The following PTPRM variants were observed in gnomAD, a reference collection of about 807,000 sequenced individuals.
PTPRM encodes protein tyrosine phosphatase receptor type M, also known as receptor-type tyrosine-protein phosphatase mu.
Under a neutral mutation model 186.7 loss-of-function variants are expected in PTPRM, and 47 were observed. The ratio of observed to expected loss-of-function variants is 0.25; its 90% CI spans 0.20 to 0.32. The LOEUF (loss-of-function observed/expected upper bound fraction) is 0.32. PTPRM is among the 10% of genes least tolerant of loss of function. The pLI, the probability that PTPRM is intolerant of heterozygous loss-of-function variation, is 1.00. For missense variants in PTPRM, 1,494 were observed against 1,865.0 expected, an observed-to-expected ratio of 0.80 and a Z score of 3.66; for synonymous variants, 668 against 674.9, an observed-to-expected ratio of 0.99 and a Z score of 0.16.
chr18:7,876,075 A>G (rs1353787115), intron 2 of PTPRM, among the ~76,000 whole-genome samples: 2 of 152,078 alleles, frequency 1.3e-5, no homozygotes, highest in Admixed American at 1.3e-4. Context: ...AGTTGTGTAT[A>G]TGGTCCATCT....
At chr18:8,082,446 CCA>C (rs2090177694) in intron 9 of PTPRM, among the ~76,000 whole-genome samples, 1 of 151,238 alleles carries the variant, frequency 6.6e-6, no homozygotes, top group Non-Finnish European at 1.5e-5. Flanking sequence ...TTTTTTTGTC[CCA>C]GTCTCATCTT....
intron 1 of PTPRM, among the ~76,000 whole-genome samples, chr18:7,584,806 T>G (rs73941932): frequency 0.022 from 3,362 of 152,346 alleles, 134 homozygotes; most frequent in African/African-American, 0.077. Context: ...ATCCCCCTGC[T>G]GGACGAGGTA....
intron 1 of PTPRM, among the ~76,000 whole-genome samples, chr18:7,752,306 T>C (rs530577908): frequency 6.6e-6 from 1 of 152,368 alleles, no homozygotes; most frequent in African/African-American, 2.4e-5. Flanking sequence ...GAGCTTATTC[T>C]TTATGACATT....
chr18:8,043,228 C>G (rs561214658), intron 7 of PTPRM, among the ~76,000 whole-genome samples: 55 of 152,266 alleles, frequency 3.6e-4, no homozygotes, highest in African/African-American at 1.3e-3. Context: ...CAACAAGGTG[C>G]CTGTCTATGG....
chr18:8,272,772 AT>A, intron 19 of PTPRM, among the ~76,000 whole-genome samples: 1 of 152,226 alleles, frequency 6.6e-6, no homozygotes, highest in South Asian at 2.1e-4. Context: ...AGTGTTTTAT[AT>A]ATTTTTTAGA....
At chr18:7,809,133 T>G (rs2145453530) in intron 2 of PTPRM, among the ~76,000 whole-genome samples, 1 of 152,234 alleles carries the variant, frequency 6.6e-6, no homozygotes, top group East Asian at 1.9e-4. Context: ...CTGGTGGGTG[T>G]TCCCATGAGG....
intron 11 of PTPRM, among the ~76,000 whole-genome samples, chr18:8,095,632 T>C (rs1163777596): frequency 6.6e-6 from 1 of 151,956 alleles, no homozygotes; most frequent in East Asian, 1.9e-4. Context: ...AACAAACTAA[T>C]AGGAGCGGCA....
At chr18:7,782,816 CTG>C (rs1316832906) in intron 2 of PTPRM, among the ~76,000 whole-genome samples, 2 of 152,186 alleles carry the variant, frequency 1.3e-5, no homozygotes, top group Admixed American at 1.3e-4. Context: ...TAATATCACA[CTG>C]TTTCAAGGGG....
chr18:7,934,584 T>G (rs191616378), intron 5 of PTPRM, among the ~76,000 whole-genome samples: 491 of 152,364 alleles, frequency 3.2e-3, no homozygotes, highest in African/African-American at 0.011. Flanking sequence ...AGTGTTTATA[T>G]TACTGACTTC....
intron 1 of PTPRM, among the ~76,000 whole-genome samples, chr18:7,758,327 G>GT (rs1448293866): frequency 6.6e-6 from 1 of 152,176 alleles, no homozygotes; most frequent in African/African-American, 2.4e-5. Flanking sequence ...TCCAGAATGA[G>GT]AATAGCAGCA....
chr18:7,680,262 G>A (rs1042344284), intron 1 of PTPRM, among the ~76,000 whole-genome samples: 3 of 152,108 alleles, frequency 2.0e-5, no homozygotes, highest in Admixed American at 6.5e-5. Flanking sequence ...GTGATGGAGG[G>A]GCAGGCAAAG....
At chr18:8,400,266 C>T (rs976585468) in intron 32 of PTPRM, among the ~76,000 whole-genome samples, 3 of 152,212 alleles carry the variant, frequency 2.0e-5, no homozygotes, top group African/African-American at 7.2e-5. Flanking sequence ...CTGGGCCCAC[C>T]TGGAGACTGA....
At chr18:7,681,742 A>G (rs941444925) in intron 1 of PTPRM, among the ~76,000 whole-genome samples, 2 of 152,212 alleles carry the variant, frequency 1.3e-5, no homozygotes, top group Non-Finnish European at 2.9e-5. Context: ...TTTAATAACA[A>G]TTCCGAAGTT....
chr18:8,021,315 GAGACACAC>G (rs1327105718), intron 7 of PTPRM, among the ~76,000 whole-genome samples: 17 of 99,134 alleles, frequency 1.7e-4, no homozygotes, highest in African/African-American at 4.3e-4. Flanking sequence ...AAGCATAAAA[GAGACACAC>G]ACACACACAC....
chr18:8,012,733 C>T (rs561101107), intron 7 of PTPRM, among the ~76,000 whole-genome samples: 1 of 152,180 alleles, frequency 6.6e-6, no homozygotes, highest in African/African-American at 2.4e-5. Flanking sequence ...ATGTGCGGTT[C>T]ATTATTATAC....
intron 1 of PTPRM, among the ~76,000 whole-genome samples, chr18:7,757,474 G>A (rs897265288): frequency 6.6e-6 from 1 of 152,212 alleles, no homozygotes; most frequent in African/African-American, 2.4e-5. Context: ...GTGTTCCACT[G>A]TAGAAATGTA....
intron 31 of PTPRM, among the ~76,000 whole-genome samples, chr18:8,393,714 T>G (rs685227): frequency 0.78 from 118,592 of 152,026 alleles, 46,431 homozygotes; most frequent in African/African-American, 0.84. Flanking sequence ...CATGGGTTCA[T>G]AGTAAAAAGT....
intron 1 of PTPRM, among the ~76,000 whole-genome samples, chr18:7,622,424 G>C (rs1366748051): frequency 6.6e-6 from 1 of 152,034 alleles, no homozygotes; most frequent in Non-Finnish European, 1.5e-5. Flanking sequence ...GCTCCCAGGG[G>C]TCTATACTGG....
intron 20 of PTPRM, among the ~76,000 whole-genome samples, chr18:8,302,749 T>A (rs973503166): frequency 1.3e-4 from 20 of 151,840 alleles, no homozygotes; most frequent in African/African-American, 4.1e-4. Context: ...GATGAATGGT[T>A]AGATGGATGA....
Sources: gnomAD v4.1 joint callset for allele counts (sites outside exome capture counted in the v4.1 genomes callset) on GRCh38, gnomAD v4.1.1 for gene constraint, MANE v1.5 for transcripts, NCBI Gene and HGNC (gene_info 2026-07-23, HGNC 2026-07-21) for gene names.